ABLIM2: variants seen among roughly 807,000 people sequenced by gnomAD.
ABLIM2 encodes actin binding LIM protein family member 2.
A neutral mutation model predicts 97.7 loss-of-function variants in ABLIM2; 53 were observed. The observed-to-expected ratio is 0.54, with a 90% CI of 0.44 to 0.68. The LOEUF is 0.68. ABLIM2 is among the 30% of genes least tolerant of loss of function. The probability of loss-of-function intolerance (pLI) is 0.00; values close to 1 mark genes in which losing one functional copy is unlikely to be tolerated. For synonymous variants in ABLIM2, 361 were observed against 345.8 expected, an observed-to-expected ratio of 1.04 and a Z score of -0.49; for missense variants, 835 against 867.2, an observed-to-expected ratio of 0.96 and a Z score of 0.47.
chr4:7,986,397 G>A lies in ABLIM2; in HGVS notation c.1681-1504C>T, dbSNP rs1744148943. Reference sequence around the variant, plus strand: ...TGGACCTTCTTCCTGATGCAGAGCTGGAGTCAGAGGGCTAGAGTCAGGCTC... The same window carrying A: ...TGGACCTTCTTCCTGATGCAGAGCTAGAGTCAGAGGGCTAGAGTCAGGCTC... On this transcript the variant is annotated intron_variant, in intron 17 of 20. Transcript: ENST00000447017. The surrounding 1 kb of genome is among the most constrained non-coding windows in gnomAD (Gnocchi z 4.3). Among the ~76,000 whole-genome samples, 1 of 152,200 alleles carries A rather than the reference G, an allele frequency of 6.6e-6. No individual in the cohort carries two copies. The highest frequency in any genetic ancestry group is 1.5e-5 in the Non-Finnish European group (1 of 68,036).
At chr4:8,137,371 A>G (rs1230528190) in intron 1 of ABLIM2, among the ~76,000 whole-genome samples, 3 of 152,242 alleles carry the variant, frequency 2.0e-5, no homozygotes, top group Non-Finnish European at 4.4e-5. Flanking sequence ...CCCATGCCTC[A>G]CAGGGACAAA....
chr4:8,145,959 C>T (rs959581462), intron 1 of ABLIM2, among the ~76,000 whole-genome samples: 7 of 152,168 alleles, frequency 4.6e-5, no homozygotes, highest in East Asian at 3.9e-4. Flanking sequence ...TGAGCAAACC[C>T]GCCACTAGCA....
intron 20 of ABLIM2, among the ~76,000 whole-genome samples, chr4:7,976,601 T>C (rs1733275137): frequency 6.6e-6 from 1 of 152,124 alleles, no homozygotes; most frequent in Non-Finnish European, 1.5e-5. Flanking sequence ...CCCAGGTCCT[T>C]TGCACGGGTA....
chr4:8,083,749 G>A lies in ABLIM2; in HGVS notation c.455-2947C>T, dbSNP rs1284734557. On this transcript the variant is annotated intron_variant, in intron 4 of 20. Transcript: ENST00000447017. This position sits in a 1 kb window ranked among gnomAD's most constrained non-coding sequence, Gnocchi z 4.6. The stretch of plus-strand genomic sequence containing the variant: ...AGCTGTCAGCGGCAGGATGTCCCTA[G>A]CAGGGCAGAAGGGGCCCCAGGACCC... Among the ~76,000 whole-genome samples the A allele has an allele frequency of 1.3e-5, 2 of 152,208 alleles. No individual in the cohort carries two copies. The highest frequency in any genetic ancestry group is 2.9e-5 in the Non-Finnish European group (2 of 68,038).
intron 1 of ABLIM2, among the ~76,000 whole-genome samples, chr4:8,135,974 C>G (rs904928310): frequency 1.3e-5 from 2 of 152,182 alleles, no homozygotes; most frequent in African/African-American, 4.8e-5. Flanking sequence ...GCTGACAGGA[C>G]CATTAAAAAC....
At position 8,032,635 on chromosome 4, in the gene ABLIM2, GGGT is replaced by G; in HGVS notation, c.1048-2862_1048-2860del. 6.2e-7 allele frequency: 1 copy of G among 1,612,506 alleles called. No individual in the cohort carries two copies. The highest frequency in any genetic ancestry group is 8.5e-7 in the Non-Finnish European group (1 of 1,179,808). On this transcript the variant is annotated intron_variant, in intron 10 of 20. Coordinates refer to ENST00000447017, the MANE Select transcript of ABLIM2 (RefSeq NM_001130083.2). The surrounding 1 kb of genome is among the most constrained non-coding windows in gnomAD (Gnocchi z 4.3). ...CCACGGCAAGCGGGGACAGGCGAGA[GGGT>G]GGTGGTTACCTCGGTCGGCGTTGGC...
intron 11 of ABLIM2, 32 bp from the exon 12 acceptor site, chr4:8,027,889 A>C: frequency 6.7e-7 from 1 of 1,502,480 alleles, no homozygotes; most frequent in Non-Finnish European, 9.0e-7. Context: ...GTCAGAGTCA[A>C]CCTGGGCTGG....
intron 1 of ABLIM2, among the ~76,000 whole-genome samples, chr4:8,108,364 T>C (rs967725859): frequency 9.2e-5 from 14 of 152,184 alleles, no homozygotes; most frequent in South Asian, 4.1e-4. Context: ...AATGATCTCA[T>C]TGACAGACTG....
At position 8,068,894 on chromosome 4, in the gene ABLIM2, A is replaced by G. The variant is rs1330745611; in HGVS notation, c.676-7840T>C. Among the ~76,000 whole-genome samples the G allele has an allele frequency of 6.6e-6, 1 of 152,278 alleles. No individual in the cohort carries two copies. Among genetic ancestry groups the G allele is most frequent in the East Asian group, 1.9e-4 (1 of 5,188 alleles). On this transcript the variant is annotated intron_variant, in intron 6 of 20. Transcript: ENST00000447017. This position sits in a 1 kb window ranked among gnomAD's most constrained non-coding sequence, Gnocchi z 4.5. ...GATGCACAAACAAAATGAAATTTAC[A>G]AAGAAACAAATGAAAGCTGTGAGCA...
chr4:8,142,468 C>T (rs1420748049), intron 1 of ABLIM2, among the ~76,000 whole-genome samples: 1 of 152,192 alleles, frequency 6.6e-6, no homozygotes, highest in Non-Finnish European at 1.5e-5. Context: ...TCCCCATTGC[C>T]CTCCCTGGCC....
intron 14 of ABLIM2, among the ~76,000 whole-genome samples, chr4:8,011,246 A>T (rs1015596363): frequency 2.0e-5 from 3 of 152,230 alleles, no homozygotes; most frequent in East Asian, 1.9e-4. Context: ...AGCCTCCGCC[A>T]TCTGAGAGAG....
chr4:8,066,689 C>T (rs1044417027), intron 6 of ABLIM2: 5 of 152,020 alleles, frequency 3.3e-5, no homozygotes, highest in East Asian at 1.9e-4. Context: ...ATGGAAAATC[C>T]GGAGCAGGCA....
chr4:8,133,754 C>G (rs928504784), intron 1 of ABLIM2, among the ~76,000 whole-genome samples: 9 of 152,352 alleles, frequency 5.9e-5, no homozygotes, highest in African/African-American at 1.7e-4. Flanking sequence ...TGCAAATGCC[C>G]CTTGAGACAG....
At chr4:8,070,663 C>A (rs979485909) in intron 6 of ABLIM2, among the ~76,000 whole-genome samples, 1 of 152,164 alleles carries the variant, frequency 6.6e-6, no homozygotes, top group Non-Finnish European at 1.5e-5. Context: ...CTGCCAGCCT[C>A]CCCTGTGGCA....
At chr4:8,098,676 T>C (rs1212350063) in intron 2 of ABLIM2, among the ~76,000 whole-genome samples, 1 of 152,194 alleles carries the variant, frequency 6.6e-6, no homozygotes, top group East Asian at 1.9e-4. Flanking sequence ...TCTACCCGCG[T>C]AGTGTGCTGT....
At chr4:8,154,335 A>G (rs1398876490) in intron 1 of ABLIM2, among the ~76,000 whole-genome samples, 2 of 130,226 alleles carry the variant, frequency 1.5e-5, no homozygotes, top group Non-Finnish European at 3.1e-5. Flanking sequence ...AGGCTGGAGT[A>G]TAGTGGCACG....
chr4:8,039,883 T>TG (rs1330784696), intron 9 of ABLIM2, among the ~76,000 whole-genome samples: 3 of 142,528 alleles, frequency 2.1e-5, no homozygotes, highest in East Asian at 4.4e-4. Flanking sequence ...TGTTTTTTTT[T>TG]TTTTTTTTTT....
chr4:8,096,098 C>T (rs1424118237), intron 3 of ABLIM2, among the ~76,000 whole-genome samples: 1 of 152,168 alleles, frequency 6.6e-6, no homozygotes. Context: ...GTCTCTCCCC[C>T]AACCCCACGC....
rs546196586 is a variant in ABLIM2 at position 8,043,129 on chromosome 4, G to A, written c.900+2035C>T. On this transcript the variant is annotated intron_variant, in intron 9 of 20. Transcript: ENST00000447017. This position sits in a 1 kb window ranked among gnomAD's most constrained non-coding sequence, Gnocchi z 4.8. ...ATCTCACCACTGCACTCCAGCCTGG[G>A]CGACAGAGCCAGACCTTGTCTCAAA... 6.6e-6 allele frequency among the ~76,000 whole-genome samples: 1 copy of A among 152,276 alleles called. No homozygotes were observed. The highest frequency in any genetic ancestry group is 1.9e-4 in the East Asian group (1 of 5,172).
Sources: gnomAD v4.1 joint callset for allele counts (sites outside exome capture counted in the v4.1 genomes callset) on GRCh38, gnomAD v4.1.1 for gene constraint, Gnocchi (gnomAD v3.1) non-coding constraint, MANE v1.5 for transcripts, NCBI Gene and HGNC (gene_info 2026-07-23, HGNC 2026-07-21) for gene names.